NID1: variants seen among roughly 807,000 people sequenced by gnomAD.
NID1 encodes the protein nidogen 1, also known as nidogen-1.
NID1 carries 76 observed loss-of-function variants against 130.6 expected under a neutral mutation model. The observed-to-expected ratio is 0.58, with a 90% CI of 0.48 to 0.70. NID1 has a LOEUF of 0.70. Among genes scored for constraint, NID1 ranks in the 30% least tolerant of loss-of-function variants. The pLI is 0.00. For missense variants in NID1, 1,517 were observed against 1,664.8 expected (o/e 0.91, Z 1.54); for synonymous variants, 665 against 675.1 (o/e 0.98, Z 0.23).
chr1:236,032,720 T>C (rs932920899), intron 5 of NID1, 68 bp from the exon 6 acceptor site: 1 of 1,575,324 alleles, frequency 6.3e-7, no homozygotes, highest in East Asian at 2.2e-5. Context: ...ACGAGTAATA[T>C]GTAGGACCTG....
intron 1 of NID1, among the ~76,000 whole-genome samples, chr1:236,064,320 A>G (rs557683726): frequency 6.6e-6 from 1 of 152,204 alleles, no homozygotes; most frequent in South Asian, 2.1e-4. Flanking sequence ...AAACGAGCCC[A>G]ACTGGAAAGC....
At chr1:236,051,278 CT>C (rs1304747803) in intron 1 of NID1, among the ~76,000 whole-genome samples, 1 of 149,906 alleles carries the variant, frequency 6.7e-6, no homozygotes, top group Non-Finnish European at 1.5e-5. Context: ...TCCCCCTCCC[CT>C]CCCTCCTCCT....
At chr1:236,023,140 C>T (rs985114621) in intron 9 of NID1, among the ~76,000 whole-genome samples, 1 of 151,982 alleles carries the variant, frequency 6.6e-6, no homozygotes, top group Non-Finnish European at 1.5e-5. Context: ...GAACGGAAAG[C>T]AGGAACTTCA....
chr1:235,992,089 G>A (rs976543677), intron 13 of NID1, among the ~76,000 whole-genome samples: 1 of 152,192 alleles, frequency 6.6e-6, no homozygotes, highest in Admixed American at 6.5e-5. Flanking sequence ...GGCTAAGAGG[G>A]CTGATTGGGT....
rs193148059 is a variant in NID1 at position 236,056,680 on chromosome 1, C to T, written c.226-7691G>A. Among the ~76,000 whole-genome samples the T allele has an allele frequency of 8.5e-5, 13 of 152,274 alleles. No individual in the cohort carries two copies. In the East Asian group the frequency reaches 1.7e-3, roughly 20 times the overall value. On this transcript the variant is annotated intron_variant, in intron 1 of 19. Coordinates refer to ENST00000264187, the MANE Select transcript of NID1 (RefSeq NM_002508.3). The stretch of plus-strand genomic sequence containing the variant: ...CTGGTAACCACCATTCCACTCTCTA[C>T]GTCCACCCTTCATGGTCTTTGAATT...
chr1:235,998,641 C>A (rs373429480), intron 12 of NID1, among the ~76,000 whole-genome samples: 19 of 151,856 alleles, frequency 1.3e-4, no homozygotes, highest in African/African-American at 4.6e-4. Flanking sequence ...TGACATTGCA[C>A]TCCAGCCTGG....
At chr1:236,056,075 A>G (rs1659891744) in intron 1 of NID1, among the ~76,000 whole-genome samples, 1 of 152,146 alleles carries the variant, frequency 6.6e-6, no homozygotes, top group Non-Finnish European at 1.5e-5. Context: ...TGCTGGGAAA[A>G]TTGGATATCC....
At chr1:236,003,107 G>GTAGTTGTCACTCCTAGTGAATGACTA (rs1558428625) in intron 12 of NID1, among the ~76,000 whole-genome samples, 1 of 128,004 alleles carries the variant, frequency 7.8e-6, no homozygotes, top group Non-Finnish European at 1.7e-5. Flanking sequence ...GTGAACGACT[G>GTAGTTGTCACTCCTAGTGAATGACTA]GTAGTTGTCA....
intron 6 of NID1, among the ~76,000 whole-genome samples, chr1:236,030,612 AC>A (rs1659069681): frequency 6.6e-6 from 1 of 152,244 alleles, no homozygotes; most frequent in Admixed American, 6.5e-5. Flanking sequence ...CTCTGCAATG[AC>A]AGAGTTGAGC....
At position 236,038,195 on chromosome 1, in the gene NID1, C is replaced by A. The variant is rs755556419; in HGVS notation, c.1194G>T (p.Ser398=). 6.2e-7 allele frequency: 1 copy of A among 1,613,768 alleles called. No individual in the cohort carries two copies. The highest frequency in any genetic ancestry group is 2.2e-5 in the East Asian group (1 of 44,872). The change falls in exon 5 of 20, where the codon TCG becomes TCT. Residue 398 remains serine (S), a synonymous_variant. Coordinates refer to ENST00000264187, the MANE Select transcript of NID1 (RefSeq NM_002508.3). The part of the protein sequence containing the change: ...QTCANNRHQC[S]VHAECRDYAT... ...CGTAGTCCCTGCACTCTGCGTGCAC[C>A]GAGCACTGGTGTCTGTTGTTAGCAC... is the stretch of plus-strand genomic sequence containing the variant.
intron 3 of NID1, among the ~76,000 whole-genome samples, chr1:236,043,701 A>G (rs562545504): frequency 1.2e-4 from 18 of 152,180 alleles, no homozygotes; most frequent in African/African-American, 4.1e-4. Context: ...GGGACGCTGA[A>G]GCAGGAGAAT....
At chr1:236,025,527 G>C (rs1658901418) in intron 8 of NID1, among the ~76,000 whole-genome samples, 1 of 151,908 alleles carries the variant, frequency 6.6e-6, no homozygotes, top group Non-Finnish European at 1.5e-5. Context: ...CTCCCAAAGT[G>C]CTGGGATTAC....
At chr1:235,999,291 C>T (rs557206753) in intron 12 of NID1, among the ~76,000 whole-genome samples, 15 of 152,340 alleles carry the variant, frequency 9.8e-5, no homozygotes, top group Admixed American at 1.3e-4. Context: ...ATTTGGTCAG[C>T]ATAGAAAATC....
rs760614392 is a variant in NID1, at chr1:236,026,029, T to C, written c.1851A>G (p.Glu617=). The C allele has an allele frequency of 3.7e-6, 6 of 1,612,806 alleles. No homozygotes were observed. Among genetic ancestry groups the C allele is most frequent in the Non-Finnish European group, 5.1e-6 (6 of 1,179,862 alleles). The change falls in exon 8 of 20, where the codon GAA becomes GAG. Residue 617 remains glutamate, a synonymous_variant. Coordinates refer to ENST00000264187, the MANE Select transcript of NID1 (RefSeq NM_002508.3). The part of the protein sequence containing the change: ...YQWRQTITFQ[E]CVHDDSRPAL... ...CTGGCCGGGAGTCATCGTGGACGCA[T>C]TCCTGGAAGGTGATGGTCTGGCGCC...
intron 14 of NID1, among the ~76,000 whole-genome samples, chr1:235,989,470 T>C (rs1657666369): frequency 6.6e-6 from 1 of 152,206 alleles, no homozygotes; most frequent in East Asian, 1.9e-4. Context: ...CATGCATTTG[T>C]TCAGCAAATA....
At chr1:235,989,101 G>T (rs963754857) in intron 14 of NID1, among the ~76,000 whole-genome samples, 33 of 129,458 alleles carry the variant, frequency 2.5e-4, no homozygotes, top group African/African-American at 1.0e-3. Flanking sequence ...TGAGACAAGA[G>T]TCTCATTCTG....
chr1:235,993,405 G>T (rs544465154), intron 13 of NID1, among the ~76,000 whole-genome samples: 32 of 135,630 alleles, frequency 2.4e-4, no homozygotes, highest in African/African-American at 1.2e-3. Flanking sequence ...ACGTGTGTGT[G>T]TTGGGTGGGG....
chr1:236,045,451 G>C lies in NID1; in HGVS notation c.752+6C>G, dbSNP rs1391773438. 2 of 1,599,784 alleles carry C rather than the reference G, an allele frequency of 1.3e-6. No individual in the cohort carries two copies. The highest frequency in any genetic ancestry group is 1.7e-4 in the Middle Eastern group (1 of 6,026). ...GAGAATCTACTGAAGAACAAAGAAAGCATACTTGGCCAAATTTTCAACTGA... is the reference window on the plus strand; with the variant it reads ...GAGAATCTACTGAAGAACAAAGAAACCATACTTGGCCAAATTTTCAACTGA... On this transcript the variant is annotated splice_donor_region_variant and intron_variant, in intron 3 of 19. Coordinates refer to ENST00000264187, the MANE Select transcript of NID1 (RefSeq NM_002508.3).
At chr1:235,988,470 T>C (rs1032008918) in intron 14 of NID1, among the ~76,000 whole-genome samples, 1 of 152,204 alleles carries the variant, frequency 6.6e-6, no homozygotes, top group Non-Finnish European at 1.5e-5. Flanking sequence ...AACAGTATGG[T>C]TGTTCCTCAA....
Sources: allele counts gnomAD v4.1 joint callset (sites outside exome capture counted in the v4.1 genomes callset), GRCh38; gene constraint gnomAD v4.1.1; transcripts MANE v1.5; gene names NCBI Gene and HGNC (gene_info 2026-07-23, HGNC 2026-07-21).